The following EVL variants were observed in gnomAD, a reference collection of about 807,000 sequenced individuals.
EVL encodes ena/VASP-like protein.
Under a neutral mutation model 59.6 loss-of-function variants are expected in EVL, and 21 were observed. The observed-to-expected ratio is 0.35, with a 90% CI of 0.25 to 0.51. The LOEUF (loss-of-function observed/expected upper bound fraction) is 0.51. Ranked by LOEUF, EVL falls within the 20% of genes least tolerant of loss-of-function variation. The pLI is 0.97. For synonymous variants in EVL, 198 were observed against 203.5 expected, an observed-to-expected ratio of 0.97 and a Z score of 0.23; for missense variants, 462 against 546.6, an observed-to-expected ratio of 0.85 and a Z score of 1.54.
At chr14:100,142,569 T>G (rs978436341) in intron 13 of EVL, among the ~76,000 whole-genome samples, 3 of 152,172 alleles carry the variant, frequency 2.0e-5, no homozygotes, top group African/African-American at 4.8e-5. Flanking sequence ...GGCATCACAG[T>G]GACCGGGGCA....
At chr14:100,070,552 T>C (rs2062028303) in intron 1 of EVL, among the ~76,000 whole-genome samples, 1 of 152,258 alleles carries the variant, frequency 6.6e-6, no homozygotes, top group Admixed American at 6.5e-5. Context: ...GTCGATGCTC[T>C]GTCGGCTCAG....
chr14:100,008,871 A>T (rs2060999614), intron 1 of EVL, among the ~76,000 whole-genome samples: 1 of 152,202 alleles, frequency 6.6e-6, no homozygotes, highest in African/African-American at 2.4e-5. Context: ...CATGAGATGA[A>T]ATGCAAATAG....
chr14:100,026,243 CAAAA>C (rs58784988), intron 1 of EVL, among the ~76,000 whole-genome samples: 3 of 143,444 alleles, frequency 2.1e-5, no homozygotes, highest in Non-Finnish European at 4.7e-5. Context: ...AAAAAAAAAA[CAAAA>C]AAAAAACACA....
intron 1 of EVL, among the ~76,000 whole-genome samples, chr14:100,075,987 G>A (rs2062153097): frequency 6.6e-6 from 1 of 152,180 alleles, no homozygotes; most frequent in South Asian, 2.1e-4. Context: ...TGAGCCATAT[G>A]CCTGTTAGTA....
chr14:99,977,201 T>G (rs1244255378), intron 1 of EVL: 4 of 152,208 alleles, frequency 2.6e-5, no homozygotes, highest in Non-Finnish European at 5.9e-5. Context: ...AAGATAACTT[T>G]AAGAATAAGT....
chr14:100,059,082 TC>T (rs2061779488), intron 1 of EVL, among the ~76,000 whole-genome samples: 1 of 152,258 alleles, frequency 6.6e-6, no homozygotes, highest in Admixed American at 6.5e-5. Context: ...ATATTTGACT[TC>T]TGCCTCTGGC....
intron 1 of EVL, among the ~76,000 whole-genome samples, chr14:99,984,609 T>G (rs1262549027): frequency 6.6e-6 from 1 of 152,196 alleles, no homozygotes; most frequent in Non-Finnish European, 1.5e-5. Context: ...ACATTATTAC[T>G]GATATGTTAT....
At chr14:100,034,625 T>G (rs1430726261) in intron 1 of EVL, among the ~76,000 whole-genome samples, 6 of 151,876 alleles carry the variant, frequency 4.0e-5, no homozygotes, top group Admixed American at 3.3e-4. Context: ...TGGGCCCAGC[T>G]AATCAGGAGG....
intron 4 of EVL, among the ~76,000 whole-genome samples, chr14:100,125,698 GGC>G (rs1888030579): frequency 6.6e-6 from 1 of 151,930 alleles, no homozygotes; most frequent in Non-Finnish European, 1.5e-5. Context: ...TGGGATTACA[GGC>G]GCGCGCCACC....
chr14:99,988,205 C>T (rs1048130283), intron 1 of EVL, among the ~76,000 whole-genome samples: 5 of 151,990 alleles, frequency 3.3e-5, no homozygotes, highest in African/African-American at 4.8e-5. Context: ...TGTGAGCCGC[C>T]GTGCCTGGCC....
intron 1 of EVL, among the ~76,000 whole-genome samples, chr14:100,018,040 A>C (rs777441107): frequency 8.0e-4 from 122 of 152,354 alleles, no homozygotes; most frequent in Non-Finnish European, 9.0e-4. Flanking sequence ...CATTCAGCAA[A>C]CCTTATGTGA....
At chr14:100,004,309 G>A (rs2060964787) in intron 1 of EVL, among the ~76,000 whole-genome samples, 1 of 152,158 alleles carries the variant, frequency 6.6e-6, no homozygotes, top group Admixed American at 6.5e-5. Context: ...AGTCGAAGGA[G>A]GGCAGTACTA....
upstream of EVL, among the ~76,000 whole-genome samples, chr14:100,061,403 C>CAAAAAAAAA (rs56656380): frequency 1.9e-3 from 37 of 19,096 alleles, 1 homozygote; most frequent in African/African-American, 3.9e-3. Context: ...GACCCTGTCT[C>CAAAAAAAAA]AAAAAAAAAA....
rs192769528 is a variant in EVL at position 100,129,984 on chromosome 14, A to G, written c.839+300A>G. On this transcript the variant is annotated intron_variant, in intron 7 of 13. Coordinates refer to ENST00000392920, the MANE Select transcript of EVL (RefSeq NM_016337.3). ...AATGTGGAGACAATTTCAGAGATAA[A>G]TGCGGGAAAAAGAACAGTCCTTGCT... is the stretch of plus-strand genomic sequence containing the variant. Among the ~76,000 whole-genome samples the G allele has an allele frequency of 3.6e-3, 545 of 152,376 alleles. 3 individuals carry two copies. Among genetic ancestry groups the G allele is most frequent in the Non-Finnish European group, 6.1e-3 (415 of 68,040 alleles).
At chr14:100,087,050 T>C (rs999129069) in intron 2 of EVL, among the ~76,000 whole-genome samples, 9 of 152,272 alleles carry the variant, frequency 5.9e-5, no homozygotes, top group African/African-American at 1.9e-4. Flanking sequence ...CAAAGATTCC[T>C]GGTTTTATAA....
intron 2 of EVL, among the ~76,000 whole-genome samples, chr14:100,089,677 T>C (rs2062522141): frequency 6.6e-6 from 1 of 152,230 alleles, no homozygotes; most frequent in Admixed American, 6.5e-5. Flanking sequence ...TCCCGGCATT[T>C]TGGGAGGCCA....
At position 100,143,877 on chromosome 14, in the gene EVL, G is replaced by A. The variant is rs1595269876; in HGVS notation, c.*139G>A. 2.0e-6 allele frequency: 2 copies of A among 993,252 alleles called. No homozygotes were observed. Among genetic ancestry groups the A allele is most frequent in the Non-Finnish European group, 3.0e-6 (2 of 677,032 alleles). The allele number at this position is 993,252 out of a possible 1,614,324, so 61.5% of individuals were successfully genotyped here. ...GCTGCTGTGAAACGTCCTGACCTGT[G>A]ATCACACATGACAGTGAGGAAACCA... On this transcript the variant is annotated 3_prime_UTR_variant, in exon 14 of 14. Transcript: ENST00000392920.
intron 1 of EVL, among the ~76,000 whole-genome samples, chr14:100,039,189 T>C (rs1021037217): frequency 1.3e-5 from 2 of 152,322 alleles, no homozygotes; most frequent in African/African-American, 4.8e-5. Flanking sequence ...CTTTTCTCAC[T>C]TTATGAAGTT....
At chr14:100,000,556 C>A (rs2060940305) in intron 1 of EVL, among the ~76,000 whole-genome samples, 1 of 151,974 alleles carries the variant, frequency 6.6e-6, no homozygotes, top group Non-Finnish European at 1.5e-5. Flanking sequence ...ACCGTTTTAG[C>A]CAGAATGGTC....
Sources: allele counts gnomAD v4.1 joint callset (sites outside exome capture counted in the v4.1 genomes callset), GRCh38; gene constraint gnomAD v4.1.1; transcripts MANE v1.5; gene names NCBI Gene and HGNC (gene_info 2026-07-23, HGNC 2026-07-21).